DGKG: variants seen among roughly 807,000 people sequenced by gnomAD.
The protein encoded by DGKG is DAG kinase gamma.
Under a neutral mutation model 105.3 loss-of-function variants are expected in DGKG, and 78 were observed. The observed-to-expected ratio is 0.74, with a 90% CI of 0.62 to 0.89. The LOEUF is 0.89. Ranked by LOEUF, DGKG falls within the 40% of genes least tolerant of loss-of-function variation. The probability of loss-of-function intolerance (pLI) is 0.00; values close to 1 mark genes in which losing one functional copy is unlikely to be tolerated. For synonymous variants in DGKG, 346 were observed against 367.1 expected (o/e 0.94, Z 0.66); for missense variants, 958 against 1,020.1 (o/e 0.94, Z 0.83).
intron 20 of DGKG, among the ~76,000 whole-genome samples, chr3:186,242,087 C>T (rs770098120): frequency 3.3e-5 from 5 of 152,152 alleles, no homozygotes; most frequent in African/African-American, 7.2e-5. Context: ...CATTTGAGAC[C>T]GACAGAAGCT....
At chr3:186,358,054 C>T (rs2108681045) in intron 1 of DGKG, among the ~76,000 whole-genome samples, 1 of 152,338 alleles carries the variant, frequency 6.6e-6, no homozygotes, top group South Asian at 2.1e-4. Context: ...ACTGACTAGC[C>T]TGAGCAGAAT....
At chr3:186,264,319 A>G (rs908654104) in intron 14 of DGKG, among the ~76,000 whole-genome samples, 4 of 151,798 alleles carry the variant, frequency 2.6e-5, no homozygotes, top group African/African-American at 4.8e-5. Flanking sequence ...GCTGGAGTGC[A>G]GTGGCAGAAT....
intron 22 of DGKG, among the ~76,000 whole-genome samples, chr3:186,185,627 G>A (rs1050869122): frequency 1.3e-5 from 2 of 152,104 alleles, no homozygotes; most frequent in Non-Finnish European, 2.9e-5. Context: ...ATACCAGAGC[G>A]GGGGTTGAGA....
chr3:186,219,739 G>A (rs918262579), intron 20 of DGKG, among the ~76,000 whole-genome samples: 1 of 151,794 alleles, frequency 6.6e-6, no homozygotes, highest in African/African-American at 2.4e-5. Context: ...TCAAGAAGGG[G>A]CTCAGAAAAA....
chr3:186,190,593 G>A (rs1456982551), intron 21 of DGKG, among the ~76,000 whole-genome samples: 1 of 152,150 alleles, frequency 6.6e-6, no homozygotes, highest in African/African-American at 2.4e-5. Flanking sequence ...TAAATGGGTG[G>A]TCATCTTCAT....
Position 186,237,325 on chromosome 3 carries a change from C to T in DGKG, c.1826+5179G>A, listed in dbSNP as rs9878973. 4.6e-5 allele frequency among the ~76,000 whole-genome samples: 7 copies of T among 152,326 alleles called. No individual in the cohort carries two copies. The South Asian group carries it at 1.2e-3, about 27-fold the overall frequency. On this transcript the variant is annotated intron_variant, in intron 20 of 24. Transcript: ENST00000265022. Reference sequence around the variant, plus strand: ...AGAGGGCTCAGTGCTTAGTTTAATGCTTTGCTGTCCCATTTTTGAGGAAGG... The same window carrying T: ...AGAGGGCTCAGTGCTTAGTTTAATGTTTTGCTGTCCCATTTTTGAGGAAGG...
chr3:186,255,666 G>C (rs1721431419), intron 17 of DGKG, among the ~76,000 whole-genome samples: 1 of 152,214 alleles, frequency 6.6e-6, no homozygotes, highest in Non-Finnish European at 1.5e-5. Context: ...GGACCACCCA[G>C]GGCCCTGTAG....
chr3:186,210,610 A>G lies in DGKG; in HGVS notation c.1917+1185T>C, dbSNP rs1718988681. 2.2e-6 allele frequency: 1 copy of G among 454,284 alleles called. No individual in the cohort carries two copies. The highest frequency in any genetic ancestry group is 4.4e-6 in the Non-Finnish European group (1 of 226,716). 28.1% of individuals were successfully genotyped at this position (454,284 alleles called of 1,614,324 possible). A position where few individuals can be genotyped will look rare whatever the true frequency, so the allele number is the denominator to read the frequency against. ...CCTCTGGCTTCGTGTTTTGTTTGTGAAAACTCCCTGTGAGTGAGGAGCACA... is the reference window on the plus strand; with the variant it reads ...CCTCTGGCTTCGTGTTTTGTTTGTGGAAACTCCCTGTGAGTGAGGAGCACA... On this transcript the variant is annotated intron_variant, in intron 21 of 24. Transcript: ENST00000265022. The surrounding 1 kb of genome is among the most constrained non-coding windows in gnomAD (Gnocchi z 5.2).
At chr3:186,169,715 A>C (rs1233798335) in intron 22 of DGKG, among the ~76,000 whole-genome samples, 1 of 152,222 alleles carries the variant, frequency 6.6e-6, no homozygotes, top group African/African-American at 2.4e-5. Context: ...ATCAACTTCC[A>C]CAAGTTCAAA....
At chr3:186,346,135 A>T (rs1001882783) in intron 1 of DGKG, among the ~76,000 whole-genome samples, 1 of 152,188 alleles carries the variant, frequency 6.6e-6, no homozygotes, top group Non-Finnish European at 1.5e-5. Context: ...CTTCAGTACT[A>T]GTTGCCTATC....
intron 2 of DGKG, 98 bp downstream of exon 2, chr3:186,320,295 T>C: frequency 6.9e-7 from 1 of 1,439,824 alleles, no homozygotes; most frequent in Non-Finnish European, 9.6e-7. Flanking sequence ...GACATCATTC[T>C]TTGTGGCTTT....
At chr3:186,328,460 G>A (rs1336697967) in intron 1 of DGKG, among the ~76,000 whole-genome samples, 1 of 152,152 alleles carries the variant, frequency 6.6e-6, no homozygotes. Flanking sequence ...GAGGAGGGGT[G>A]ACGAGGTGAT....
intron 21 of DGKG, among the ~76,000 whole-genome samples, chr3:186,197,952 A>C (rs1314294645): frequency 1.3e-5 from 2 of 152,126 alleles, no homozygotes; most frequent in Non-Finnish European, 2.9e-5. Context: ...TTCTCCTCTT[A>C]AAGGGAATGT....
At chr3:186,318,417 CCT>C (rs1724918108) in intron 2 of DGKG, among the ~76,000 whole-genome samples, 1 of 152,206 alleles carries the variant, frequency 6.6e-6, no homozygotes, top group Non-Finnish European at 1.5e-5. Flanking sequence ...ACATTTTAAA[CCT>C]CTTTCCTCCA....
intron 1 of DGKG, among the ~76,000 whole-genome samples, chr3:186,343,515 T>C (rs923992079): frequency 6.6e-6 from 1 of 152,030 alleles, no homozygotes; most frequent in Non-Finnish European, 1.5e-5. Flanking sequence ...CTGGTCTCAA[T>C]TTCCTGACCT....
rs1296615708 is a variant in DGKG, at chr3:186,203,286, G to A, written c.1917+8509C>T. Among the ~76,000 whole-genome samples the A allele has an allele frequency of 6.6e-6, 1 of 152,204 alleles. No homozygotes were observed. The highest frequency in any genetic ancestry group is 1.5e-5 in the Non-Finnish European group (1 of 68,044). ...AGATTTAATAAGCCAAAGAATCACA[G>A]AGGTCCTCAGGAGGCCTGATGATAA... On this transcript the variant is annotated intron_variant, in intron 21 of 24. Transcript: ENST00000265022. The surrounding 1 kb of genome is among the most constrained non-coding windows in gnomAD (Gnocchi z 4.9).
chr3:186,297,191 G>A (rs1428214710), intron 5 of DGKG, among the ~76,000 whole-genome samples: 1 of 151,948 alleles, frequency 6.6e-6, no homozygotes, highest in East Asian at 1.9e-4. Context: ...GTCCTGACCT[G>A]CTCTGTTCTA....
rs1413633650 is a variant in DGKG at position 186,284,973 on chromosome 3, G to A, written c.545-264C>T. On this transcript the variant is annotated intron_variant, in intron 6 of 24. Coordinates refer to ENST00000265022, the MANE Select transcript of DGKG (RefSeq NM_001346.3). This position sits in a 1 kb window ranked among gnomAD's most constrained non-coding sequence, Gnocchi z 4.0. The stretch of plus-strand genomic sequence containing the variant: ...CAGGTCATGAGTGTAATTCCCTGGG[G>A]AGCATGAACACATTTCAGCGTCACT... Among the ~76,000 whole-genome samples the A allele has an allele frequency of 2.6e-5, 4 of 152,194 alleles. No individual in the cohort carries two copies. Among genetic ancestry groups the A allele is most frequent in the Non-Finnish European group, 5.9e-5 (4 of 68,038 alleles).
intron 11 of DGKG, among the ~76,000 whole-genome samples, chr3:186,270,040 G>T (rs1236861661): frequency 1.3e-5 from 2 of 152,162 alleles, no homozygotes; most frequent in African/African-American, 4.8e-5. Flanking sequence ...GAAGGTGGGG[G>T]ACATACCCTG....
Sources: allele counts gnomAD v4.1 joint callset (sites outside exome capture counted in the v4.1 genomes callset), GRCh38; gene constraint gnomAD v4.1.1; non-coding constraint Gnocchi (gnomAD v3.1); transcripts MANE v1.5; gene names NCBI Gene and HGNC (gene_info 2026-07-23, HGNC 2026-07-21).